Variants in FHIT observed in about 807,000 individuals in gnomAD.
FHIT encodes the protein bis(5'-adenosyl)-triphosphatase.
A neutral mutation model predicts 17.9 loss-of-function variants in FHIT; 19 were observed. The observed-to-expected ratio is 1.06, with a 90% confidence interval of 0.74 to 1.56. The LOEUF (loss-of-function observed/expected upper bound fraction) is 1.56, where lower values mean the gene tolerates loss of function less well. Among genes scored for constraint, FHIT ranks in the 40% most tolerant of loss-of-function variants. The pLI is 0.00. For missense variants in FHIT, 248 were observed against 189.2 expected, an observed-to-expected ratio of 1.31 and a Z score of -1.82; for synonymous variants, 81 against 69.7, an observed-to-expected ratio of 1.16 and a Z score of -0.81.
chr3:60,050,358 G>C (rs1701822122), intron 5 of FHIT, among the ~76,000 whole-genome samples: 1 of 151,986 alleles, frequency 6.6e-6, no homozygotes, highest in African/African-American at 2.4e-5. Context: ...AAATTGTGAA[G>C]AAATTTCATC....
At chr3:60,444,534 T>C (rs1317932482) in intron 5 of FHIT, among the ~76,000 whole-genome samples, 1 of 152,214 alleles carries the variant, frequency 6.6e-6, no homozygotes, top group Non-Finnish European at 1.5e-5. Context: ...GATGAGTTCA[T>C]GTCCTTTGTA....
intron 2 of FHIT, among the ~76,000 whole-genome samples, chr3:61,182,324 A>C (rs925069092): frequency 6.6e-6 from 1 of 152,164 alleles, no homozygotes; most frequent in Admixed American, 6.5e-5. Flanking sequence ...TTATTTACAT[A>C]CTCCTTTCAT....
At chr3:60,723,995 T>C (rs2041863914) in intron 4 of FHIT, among the ~76,000 whole-genome samples, 1 of 152,250 alleles carries the variant, frequency 6.6e-6, no homozygotes, top group South Asian at 2.1e-4. Flanking sequence ...TTTAGAGATA[T>C]AATTCACATA....
intron 5 of FHIT, among the ~76,000 whole-genome samples, chr3:60,116,430 G>A (rs911567037): frequency 6.6e-5 from 10 of 152,146 alleles, no homozygotes; most frequent in African/African-American, 1.9e-4. Flanking sequence ...AAATCATAAA[G>A]CCCATCTTCA....
At chr3:61,105,921 G>A (rs1349428039) in intron 2 of FHIT, among the ~76,000 whole-genome samples, 1 of 152,154 alleles carries the variant, frequency 6.6e-6, no homozygotes, top group Non-Finnish European at 1.5e-5. Context: ...CCTCTCATTT[G>A]CCCAGAAGTT....
rs114566433 is a variant in FHIT, at chr3:60,133,545, G to C, written c.104-119393C>G. Among the ~76,000 whole-genome samples, 605 of 152,128 alleles carry C rather than the reference G, an allele frequency of 4.0e-3. 3 individuals carry two copies. Among genetic ancestry groups the C allele is most frequent in the Non-Finnish European group, 7.4e-3 (500 of 67,996 alleles). On this transcript the variant is annotated intron_variant, in intron 5 of 9. Coordinates refer to ENST00000492590, the MANE Select transcript of FHIT (RefSeq NM_002012.4). ...AATAAATCACACAGGGAGAAGTGTGGGAGGCCCCTGTGGTTCAATTCTTTA... is the reference window on the plus strand; with the variant it reads ...AATAAATCACACAGGGAGAAGTGTGCGAGGCCCCTGTGGTTCAATTCTTTA...
At chr3:61,190,930 G>T (rs1211368319) in intron 2 of FHIT, among the ~76,000 whole-genome samples, 2 of 132,442 alleles carry the variant, frequency 1.5e-5, no homozygotes, top group Non-Finnish European at 3.2e-5. Context: ...GGGGCTTGTT[G>T]TGGGGTGGGG....
chr3:60,705,003 C>T (rs1362233274), intron 4 of FHIT, among the ~76,000 whole-genome samples: 1 of 151,268 alleles, frequency 6.6e-6, no homozygotes, highest in Non-Finnish European at 1.5e-5. Flanking sequence ...TGAACCAACC[C>T]ATAGGTGTTT....
At chr3:60,195,416 G>C (rs1025951614) in intron 5 of FHIT, among the ~76,000 whole-genome samples, 1 of 151,280 alleles carries the variant, frequency 6.6e-6, no homozygotes. Context: ...GGTTTCTACC[G>C]AAAGGAAAGT....
At chr3:60,548,409 G>C (rs1225278323) in intron 4 of FHIT, among the ~76,000 whole-genome samples, 2 of 151,976 alleles carry the variant, frequency 1.3e-5, no homozygotes, top group Non-Finnish European at 2.9e-5. Context: ...AACTTTTTGA[G>C]AGCATGAGGG....
At chr3:61,099,039 G>A (rs2035735064) in intron 2 of FHIT, among the ~76,000 whole-genome samples, 1 of 152,176 alleles carries the variant, frequency 6.6e-6, no homozygotes, top group Non-Finnish European at 1.5e-5. Context: ...CATTTAGTAT[G>A]ATGTTGGCTG....
intron 7 of FHIT, among the ~76,000 whole-genome samples, chr3:59,956,011 T>C (rs1707375949): frequency 6.6e-6 from 1 of 152,230 alleles, no homozygotes; most frequent in Admixed American, 6.5e-5. Context: ...CCTGAAATAC[T>C]TCTTCAAACT....
At chr3:60,183,532 C>A (rs1702033280) in intron 5 of FHIT, among the ~76,000 whole-genome samples, 1 of 152,178 alleles carries the variant, frequency 6.6e-6, no homozygotes, top group African/African-American at 2.4e-5. Context: ...CTCAATCAGA[C>A]ACACTTAGAA....
At chr3:59,966,277 T>C (rs1707922935) in intron 7 of FHIT, among the ~76,000 whole-genome samples, 1 of 152,142 alleles carries the variant, frequency 6.6e-6, no homozygotes, top group Admixed American at 6.6e-5. Flanking sequence ...TTGGACTGGA[T>C]TTTACCCCAA....
chr3:60,681,816 GTT>G (rs1329486743), intron 4 of FHIT, among the ~76,000 whole-genome samples: 1 of 152,150 alleles, frequency 6.6e-6, no homozygotes, highest in Non-Finnish European at 1.5e-5. Context: ...CAGAAGAAAA[GTT>G]TGAAGATAGC....
chr3:60,416,686 C>CATGATTTGGCTTAGCAGCT (rs1350578138), intron 5 of FHIT, among the ~76,000 whole-genome samples: 2 of 152,082 alleles, frequency 1.3e-5, no homozygotes, highest in African/African-American at 4.8e-5. Context: ...CAGCAGCAGG[C>CATGATTTGGCTTAGCAGCT]ATGATTTGGC....
intron 3 of FHIT, among the ~76,000 whole-genome samples, chr3:61,026,333 G>T (rs997378359): frequency 6.6e-6 from 1 of 152,134 alleles, no homozygotes; most frequent in African/African-American, 2.4e-5. Context: ...CCTCTGACCA[G>T]TGTACCTCCA....
In FHIT at chr3:61,139,985, G is replaced by C. The variant is rs989135760; in HGVS notation, c.-164+60632C>G. 2.8e-5 allele frequency among the ~76,000 whole-genome samples: 4 copies of C among 143,972 alleles called. No homozygotes were observed. The Admixed American group carries it at 2.9e-4, about 10-fold the overall frequency. The allele number at this position is 143,972 out of a possible 152,430, so 94.5% of individuals were successfully genotyped here. ...TATTTAACTCATCATCATCTATGAG[G>C]ATAACGACTTTTAACAGCTGTCCAT... On this transcript the variant is annotated intron_variant, in intron 2 of 9. Transcript: ENST00000492590.
At chr3:60,772,846 C>A (rs1553723487) in intron 4 of FHIT, among the ~76,000 whole-genome samples, 1 of 152,154 alleles carries the variant, frequency 6.6e-6, no homozygotes, top group African/African-American at 2.4e-5. Flanking sequence ...CTTGGACCCA[C>A]CAACTGATGG....
Sources: allele counts gnomAD v4.1 joint callset (sites outside exome capture counted in the v4.1 genomes callset), GRCh38; gene constraint gnomAD v4.1.1; transcripts MANE v1.5; gene names NCBI Gene and HGNC (gene_info 2026-07-23, HGNC 2026-07-21).